The following SLIT3 variants were observed in gnomAD, a reference collection of about 807,000 sequenced individuals.
The protein encoded by SLIT3 is slit guidance ligand 3.
Under a neutral mutation model 184.0 loss-of-function variants are expected in SLIT3, and 68 were observed. That is an observed-to-expected ratio of 0.37 (90% CI 0.30 to 0.45). SLIT3 has a LOEUF of 0.45. SLIT3 is among the 20% of genes least tolerant of loss of function. SLIT3 has a pLI of 1.00. For synonymous variants in SLIT3, 831 were observed against 828.6 expected (o/e 1.00, Z -0.05); for missense variants, 1,707 against 2,026.0 (o/e 0.84, Z 3.02).
intron 4 of SLIT3, among the ~76,000 whole-genome samples, chr5:169,058,272 C>A (rs1174010966): frequency 1.3e-5 from 2 of 152,228 alleles, no homozygotes; most frequent in Non-Finnish European, 2.9e-5. Flanking sequence ...CCTTTCTCCC[C>A]ACTAGTATTC....
chr5:169,119,143 T>C (rs1760791601), intron 4 of SLIT3, among the ~76,000 whole-genome samples: 1 of 152,248 alleles, frequency 6.6e-6, no homozygotes, highest in South Asian at 2.1e-4. Context: ...GCATCAAAGC[T>C]GATACATATG....
chr5:168,825,474 A>C (rs1757669099), intron 6 of SLIT3, among the ~76,000 whole-genome samples: 1 of 151,196 alleles, frequency 6.6e-6, no homozygotes, highest in Non-Finnish European at 1.5e-5. Flanking sequence ...TCCCATATTT[A>C]CTGTGCACCT....
At chr5:169,085,370 T>C (rs1267264545) in intron 4 of SLIT3, among the ~76,000 whole-genome samples, 1 of 152,214 alleles carries the variant, frequency 6.6e-6, no homozygotes, top group African/African-American at 2.4e-5. Flanking sequence ...TCTGACCCAG[T>C]GAGCAGACCT....
At position 168,795,527 on chromosome 5, in the gene SLIT3, C is replaced by T. The variant is rs1309296644; in HGVS notation, c.987G>A (p.Gln329=). The part of the protein sequence containing the change: ...IKAIPAGAFT[Q]YKKLKRIDIS... ...CTCACATTCGCTTCAGTTTCTTGTA[C>T]TGGGTGAAGGCTCCTGCAGGGATGG... The change falls in exon 10 of 36, where the codon CAG becomes CAA. Residue 329 remains glutamine, a synonymous_variant. Coordinates refer to ENST00000519560, the MANE Select transcript of SLIT3 (RefSeq NM_003062.4). 5.6e-6 allele frequency: 9 copies of T among 1,613,630 alleles called. No individual in the cohort carries two copies. The highest frequency in any genetic ancestry group is 3.3e-5 in the Admixed American group (2 of 60,010).
chr5:168,712,270 C>T lies in SLIT3; in HGVS notation c.2555+13G>A. ...GTTTTGAATGTTCATTGGGGAGAAA[C>T]ACTGCTACTTACAGATGGGAAAGAG... On this transcript the variant is annotated intron_variant, in intron 24 of 35. Transcript: ENST00000519560. The T allele has an allele frequency of 6.2e-7, 1 of 1,609,688 alleles. No homozygotes were observed. The highest frequency in any genetic ancestry group is 8.5e-7 in the Non-Finnish European group (1 of 1,175,932).
intron 12 of SLIT3, among the ~76,000 whole-genome samples, chr5:168,784,278 C>A (rs1184343201): frequency 6.6e-6 from 1 of 152,158 alleles, no homozygotes; most frequent in Non-Finnish European, 1.5e-5. Flanking sequence ...GCAAAGAATA[C>A]CATCTGTGAA....
chr5:168,833,897 T>C (rs1486805518), intron 6 of SLIT3, among the ~76,000 whole-genome samples: 1 of 152,140 alleles, frequency 6.6e-6, no homozygotes, highest in Non-Finnish European at 1.5e-5. Flanking sequence ...CACTCTCTAA[T>C]TCCAATTGGG....
chr5:168,986,436 G>GGTA (rs1433183364), intron 4 of SLIT3, among the ~76,000 whole-genome samples: 58 of 152,120 alleles, frequency 3.8e-4, no homozygotes, highest in Non-Finnish European at 6.9e-4. Flanking sequence ...GTACCATGAT[G>GGTA]CTTTTCAGCT....
intron 5 of SLIT3, among the ~76,000 whole-genome samples, chr5:168,870,475 C>A (rs772448427): frequency 6.6e-6 from 1 of 152,224 alleles, no homozygotes; most frequent in Non-Finnish European, 1.5e-5. Flanking sequence ...CCAGCTCAGA[C>A]CCTCAACCTT....
rs752988783 is a variant in SLIT3 at position 168,844,576 on chromosome 5, C to A, written c.557+8G>T. The A allele has an allele frequency of 1.5e-5, 24 of 1,613,900 alleles. No homozygotes were observed. The highest frequency in any genetic ancestry group is 2.0e-5 in the Non-Finnish European group (24 of 1,179,932). On this transcript the variant is annotated splice_region_variant and intron_variant, in intron 6 of 35. Coordinates refer to ENST00000519560, the MANE Select transcript of SLIT3 (RefSeq NM_003062.4). ...ACACACAAGGCAGCGATCGCAAAAT[C>A]AACTCACAGGATCTCCAAATCGCGC...
At chr5:168,770,115 G>A (rs1019024098) in intron 14 of SLIT3, among the ~76,000 whole-genome samples, 2 of 152,158 alleles carry the variant, frequency 1.3e-5, no homozygotes, top group African/African-American at 4.8e-5. Flanking sequence ...ATGGGCTTGG[G>A]GTCCCAGGCA....
intron 4 of SLIT3, among the ~76,000 whole-genome samples, chr5:169,124,916 T>C (rs1427814883): frequency 6.6e-6 from 1 of 152,218 alleles, no homozygotes; most frequent in East Asian, 1.9e-4. Context: ...GTAACAGAAA[T>C]GTAGCATTCT....
intron 4 of SLIT3, among the ~76,000 whole-genome samples, chr5:169,162,745 T>C (rs1182985403): frequency 6.6e-6 from 1 of 152,114 alleles, no homozygotes; most frequent in Admixed American, 6.5e-5. Context: ...CCCCTTACCT[T>C]TTCAGGCTGC....
At chr5:168,865,618 G>A (rs1287891845) in intron 5 of SLIT3, among the ~76,000 whole-genome samples, 4 of 152,134 alleles carry the variant, frequency 2.6e-5, no homozygotes, top group Non-Finnish European at 5.9e-5. Flanking sequence ...AGGACATTTT[G>A]GTGGTGGTTA....
chr5:168,845,476 C>G (rs1287556354), intron 5 of SLIT3, among the ~76,000 whole-genome samples: 1 of 151,996 alleles, frequency 6.6e-6, no homozygotes, highest in East Asian at 1.9e-4. Context: ...TTAAATGCAC[C>G]TATTTCCAGA....
At chr5:168,768,302 A>G (rs767042974) in intron 14 of SLIT3, 8 of 473,408 alleles carry the variant, frequency 1.7e-5, no homozygotes, top group Non-Finnish European at 2.6e-5. Context: ...AGGAGCGCTC[A>G]GAGGAAGCAG....
At chr5:168,853,201 A>G (rs1758736736) in intron 5 of SLIT3, among the ~76,000 whole-genome samples, 1 of 152,304 alleles carries the variant, frequency 6.6e-6, no homozygotes, top group East Asian at 1.9e-4. Context: ...TTCTCCTGCT[A>G]TTACAAGATT....
chr5:168,910,220 C>G (rs922528908), intron 4 of SLIT3, among the ~76,000 whole-genome samples: 2 of 152,200 alleles, frequency 1.3e-5, no homozygotes, highest in African/African-American at 2.4e-5. Flanking sequence ...GATATGGAAA[C>G]TGAAGGCTCA....
chr5:169,070,534 G>A (rs1420867983), intron 4 of SLIT3, among the ~76,000 whole-genome samples: 2 of 152,128 alleles, frequency 1.3e-5, no homozygotes, highest in East Asian at 1.9e-4. Context: ...TCTGCCAGTC[G>A]AGATGACCTT....
Sources: gnomAD v4.1 joint callset for allele counts (sites outside exome capture counted in the v4.1 genomes callset) on GRCh38, gnomAD v4.1.1 for gene constraint, MANE v1.5 for transcripts, NCBI Gene and HGNC (gene_info 2026-07-23, HGNC 2026-07-21) for gene names.